Variants in KIRREL3 observed in about 807,000 individuals in gnomAD.
The protein encoded by KIRREL3 is kirre like nephrin family adhesion molecule 3, also known as kin of IRRE-like protein 3.
In KIRREL3, 36 loss-of-function variants were observed where a neutral mutation model predicts 89.7. The observed-to-expected ratio is 0.40, with a 90% confidence interval of 0.31 to 0.53. KIRREL3 has a LOEUF of 0.53. Among genes scored for constraint, KIRREL3 ranks in the 20% least tolerant of loss-of-function variants. The pLI, the probability that KIRREL3 is intolerant of heterozygous loss-of-function variation, is 0.49. For synonymous variants in KIRREL3, 445 were observed against 441.4 expected (o/e 1.01, Z -0.10); for missense variants, 864 against 1,056.6 (o/e 0.82, Z 2.53).
rs55980063 is a variant in KIRREL3 at position 126,525,857 on chromosome 11, A to G, written c.283+681T>C. On this transcript the variant is annotated intron_variant, in intron 3 of 16. Coordinates refer to ENST00000525144, the MANE Select transcript of KIRREL3 (RefSeq NM_032531.4). This position sits in a 1 kb window ranked among gnomAD's most constrained non-coding sequence, Gnocchi z 5.4. ...GAGGATGGATTGGAAAAGCGTCTGT[A>G]TGGTCTTATGGGATCACTATTCACA... is the stretch of plus-strand genomic sequence containing the variant. Among the ~76,000 whole-genome samples the G allele has an allele frequency of 0.2, 29,676 of 151,970 alleles. 3,157 individuals are homozygous for G. The highest frequency in any genetic ancestry group is 0.22 in the African/African-American group (9,041 of 41,448).
chr11:126,749,552 C>T (rs1410273978), intron 1 of KIRREL3, among the ~76,000 whole-genome samples: 3 of 152,046 alleles, frequency 2.0e-5, no homozygotes, highest in African/African-American at 7.2e-5. Flanking sequence ...ACAAGAGCAT[C>T]TCTAAAGGAA....
At chr11:126,737,086 T>G (rs1227627446) in intron 1 of KIRREL3, among the ~76,000 whole-genome samples, 1 of 152,204 alleles carries the variant, frequency 6.6e-6, no homozygotes, top group East Asian at 1.9e-4. Flanking sequence ...CTAATGTAGA[T>G]TCAGTGGAAT....
chr11:126,885,988 T>TA (rs1945680169), intron 1 of KIRREL3, among the ~76,000 whole-genome samples: 1 of 152,220 alleles, frequency 6.6e-6, no homozygotes, highest in South Asian at 2.1e-4. Flanking sequence ...CTTCCCACAT[T>TA]TAATGCGTTC....
rs1172702472 is a variant in KIRREL3 at position 126,766,348 on chromosome 11, ACACT to A, written c.56-203440_56-203437del. Reference sequence around the variant, plus strand: ...GTAATGACAGTGTTGCAGAATTAGAACACTCACTCCTACGCGGAGAAGAAAAAAC... The same window carrying A: ...GTAATGACAGTGTTGCAGAATTAGAACACTCCTACGCGGAGAAGAAAAAAC... On this transcript the variant is annotated intron_variant, in intron 1 of 16. Coordinates refer to ENST00000525144, the MANE Select transcript of KIRREL3 (RefSeq NM_032531.4). This position sits in a 1 kb window ranked among gnomAD's most constrained non-coding sequence, Gnocchi z 4.2. Among the ~76,000 whole-genome samples, 1 of 152,064 alleles carries A rather than the reference ACACT, an allele frequency of 6.6e-6. No individual in the cohort carries two copies.
rs1021379932 is a variant in KIRREL3 at position 126,768,196 on chromosome 11, T to G, written c.56-205284A>C. On this transcript the variant is annotated intron_variant, in intron 1 of 16. Coordinates refer to ENST00000525144, the MANE Select transcript of KIRREL3 (RefSeq NM_032531.4). This position sits in a 1 kb window ranked among gnomAD's most constrained non-coding sequence, Gnocchi z 4.5. ...ATCCATCCATCCATCCATCCATCCATCCATCCATCCATCCATCCATCCATC... is the reference window on the plus strand; with the variant it reads ...ATCCATCCATCCATCCATCCATCCAGCCATCCATCCATCCATCCATCCATC... Among the ~76,000 whole-genome samples, 1 of 150,610 alleles carries G rather than the reference T, an allele frequency of 6.6e-6. No homozygotes were observed. Among genetic ancestry groups the G allele is most frequent in the East Asian group, 2.0e-4 (1 of 5,126 alleles).
intron 1 of KIRREL3, among the ~76,000 whole-genome samples, chr11:126,858,477 A>C (rs1944607093): frequency 6.6e-6 from 1 of 152,164 alleles, no homozygotes. Context: ...ATAATCTCTC[A>C]GTTCTCACCT....
At chr11:126,809,735 C>G (rs767431630) in intron 1 of KIRREL3, among the ~76,000 whole-genome samples, 3 of 152,166 alleles carry the variant, frequency 2.0e-5, no homozygotes, top group Non-Finnish European at 4.4e-5. Context: ...TGCTATCATC[C>G]CTGCCTCTAG....
intron 2 of KIRREL3, among the ~76,000 whole-genome samples, chr11:126,552,561 T>A (rs1327990679): frequency 2.5e-5 from 2 of 79,574 alleles, no homozygotes; most frequent in African/African-American, 1.1e-4. Context: ...TTTTTTTTTT[T>A]TTTTTTTTTT....
rs935639936 is a variant in KIRREL3, at chr11:126,557,762, G to A, written c.133+5073C>T. Among the ~76,000 whole-genome samples, 1 of 152,176 alleles carries A rather than the reference G, an allele frequency of 6.6e-6. No individual in the cohort carries two copies. The highest frequency in any genetic ancestry group is 1.5e-5 in the Non-Finnish European group (1 of 68,030). On this transcript the variant is annotated intron_variant, in intron 2 of 16. Coordinates refer to ENST00000525144, the MANE Select transcript of KIRREL3 (RefSeq NM_032531.4). The surrounding 1 kb of genome is among the most constrained non-coding windows in gnomAD (Gnocchi z 5.6). ...GGGCTCTGACTCCCCTGTAAGGCTG[G>A]GAAGTGAGGACAGGTGCTGTGGGGG...
rs1286435507 is a variant in KIRREL3, at chr11:126,709,283, T to A, written c.56-146371A>T. On this transcript the variant is annotated intron_variant, in intron 1 of 16. Coordinates refer to ENST00000525144, the MANE Select transcript of KIRREL3 (RefSeq NM_032531.4). The surrounding 1 kb of genome is among the most constrained non-coding windows in gnomAD (Gnocchi z 4.0). ...TGGCTGCCTTGACTAGTTGGCTTTA[T>A]CATCTCCTCTATCCCAAGATGACCT... is the stretch of plus-strand genomic sequence containing the variant. 6.6e-6 allele frequency among the ~76,000 whole-genome samples: 1 copy of A among 152,208 alleles called. No individual in the cohort carries two copies. Among genetic ancestry groups the A allele is most frequent in the East Asian group, 1.9e-4 (1 of 5,198 alleles).
rs967313611 is a variant in KIRREL3, at chr11:126,739,050, G to C, written c.56-176138C>G. Among the ~76,000 whole-genome samples the C allele has an allele frequency of 6.6e-6, 1 of 152,094 alleles. No individual in the cohort carries two copies. The highest frequency in any genetic ancestry group is 6.6e-5 in the Admixed American group (1 of 15,264). On this transcript the variant is annotated intron_variant, in intron 1 of 16. Transcript: ENST00000525144. The surrounding 1 kb of genome is among the most constrained non-coding windows in gnomAD (Gnocchi z 5.5). ...AAAGGCGGGTATATATGATACAAAC[G>C]GTACAAATGAAGAAACTGGCTTTCA... is the stretch of plus-strand genomic sequence containing the variant.
intron 1 of KIRREL3, among the ~76,000 whole-genome samples, chr11:126,737,714 C>G (rs1215751693): frequency 6.6e-6 from 1 of 152,062 alleles, no homozygotes; most frequent in Non-Finnish European, 1.5e-5. Flanking sequence ...TTTTCGGTTT[C>G]TTAATTCTAA....
At chr11:126,510,540 A>G (rs897264208) in intron 4 of KIRREL3, among the ~76,000 whole-genome samples, 135 of 148,858 alleles carry the variant, frequency 9.1e-4, no homozygotes, top group African/African-American at 3.3e-3. Context: ...TAGGCAATCC[A>G]CCTGCCTCAG....
At position 126,976,069 on chromosome 11, in the gene KIRREL3, T is replaced by A. The variant is rs1209883627; in HGVS notation, c.55+24386A>T. Among the ~76,000 whole-genome samples, 3 of 151,704 alleles carry A rather than the reference T, an allele frequency of 2.0e-5. No individual in the cohort carries two copies. The highest frequency in any genetic ancestry group is 4.4e-5 in the Non-Finnish European group (3 of 67,942). ...TGGGTCACATCAGCAGAGGGTGCCA[T>A]GGGGGTGTTAGCATCTTCCAGATGA... On this transcript the variant is annotated intron_variant, in intron 1 of 16. Transcript: ENST00000525144. The surrounding 1 kb of genome is among the most constrained non-coding windows in gnomAD (Gnocchi z 4.2).
rs1418484255 is a variant in KIRREL3, at chr11:126,489,508, G to T, written c.434-16042C>A. Among the ~76,000 whole-genome samples the T allele has an allele frequency of 3.9e-5, 6 of 152,178 alleles. No individual in the cohort carries two copies. The highest frequency in any genetic ancestry group is 2.1e-4 in the South Asian group (1 of 4,834). ...CCAAAAGCTTCCTGATGGCCCTATT[G>T]TTACTCCATCTTGGATTCCTGGGTC... On this transcript the variant is annotated intron_variant, in intron 4 of 16. Transcript: ENST00000525144. This position sits in a 1 kb window ranked among gnomAD's most constrained non-coding sequence, Gnocchi z 5.5.
rs1297940997 is a variant in KIRREL3 at position 126,611,879 on chromosome 11, C to T, written c.56-48967G>A. Reference sequence around the variant, plus strand: ...TAATCAACTGTAGGTGCTACTGTCGCTCTAGGACCTGCCGATGCCCTCTGT... The same window carrying T: ...TAATCAACTGTAGGTGCTACTGTCGTTCTAGGACCTGCCGATGCCCTCTGT... On this transcript the variant is annotated intron_variant, in intron 1 of 16. Coordinates refer to ENST00000525144, the MANE Select transcript of KIRREL3 (RefSeq NM_032531.4). The surrounding 1 kb of genome is among the most constrained non-coding windows in gnomAD (Gnocchi z 4.7). 1.3e-5 allele frequency among the ~76,000 whole-genome samples: 2 copies of T among 152,200 alleles called. No homozygotes were observed. The highest frequency in any genetic ancestry group is 2.9e-5 in the Non-Finnish European group (2 of 68,032).
chr11:126,909,790 A>G lies in KIRREL3; in HGVS notation c.55+90665T>C, dbSNP rs1393653474. Among the ~76,000 whole-genome samples the G allele has an allele frequency of 6.6e-6, 1 of 152,196 alleles. No homozygotes were observed. Among genetic ancestry groups the G allele is most frequent in the Admixed American group, 6.5e-5 (1 of 15,292 alleles). On this transcript the variant is annotated intron_variant, in intron 1 of 16. Coordinates refer to ENST00000525144, the MANE Select transcript of KIRREL3 (RefSeq NM_032531.4). This position sits in a 1 kb window ranked among gnomAD's most constrained non-coding sequence, Gnocchi z 4.5. ...TTGTGCATGAGGCTGAAGCACCGCC[A>G]TTATAAAAAACTTGGTTAAAATATG...
At chr11:126,451,419 TG>T (rs1460552295) in intron 7 of KIRREL3, among the ~76,000 whole-genome samples, 1 of 149,950 alleles carries the variant, frequency 6.7e-6, no homozygotes, top group Non-Finnish European at 1.5e-5. Context: ...TGTGTGTGCA[TG>T]TGTGAGCGTG....
intron 1 of KIRREL3, among the ~76,000 whole-genome samples, chr11:126,840,053 C>T (rs1279683794): frequency 2.6e-5 from 4 of 152,022 alleles, no homozygotes; most frequent in Admixed American, 1.3e-4. Flanking sequence ...CCTGGCAGAG[C>T]GATACATTAA....
Sources: gnomAD v4.1 joint callset for allele counts (sites outside exome capture counted in the v4.1 genomes callset) on GRCh38, gnomAD v4.1.1 for gene constraint, Gnocchi (gnomAD v3.1) non-coding constraint, MANE v1.5 for transcripts, NCBI Gene and HGNC (gene_info 2026-07-23, HGNC 2026-07-21) for gene names.